TMC5: variants seen among roughly 807,000 people sequenced by gnomAD.
TMC5 encodes the protein transmembrane channel like 5, also known as transmembrane channel-like protein 5.
In TMC5, 86 loss-of-function variants were observed where a neutral mutation model predicts 110.5. That is an observed-to-expected ratio of 0.78 (90% CI 0.65 to 0.93). TMC5 has a LOEUF of 0.93. Among genes scored for constraint, TMC5 ranks in the 40% least tolerant of loss-of-function variants. TMC5 has a pLI of 0.00. For missense variants in TMC5, 1,144 were observed against 1,222.8 expected, an observed-to-expected ratio of 0.94 and a Z score of 0.96; for synonymous variants, 455 against 439.5, an observed-to-expected ratio of 1.04 and a Z score of -0.44.
intron 4 of TMC5, 115 bp downstream of exon 4, chr16:19,444,365 T>C (rs1347950014): frequency 2.2e-6 from 2 of 907,504 alleles, no homozygotes; most frequent in African/African-American, 3.4e-5. Flanking sequence ...CCTTCCAATC[T>C]CAGAGACCCT....
At chr16:19,492,298 A>G in intron 19 of TMC5, 70 bp downstream of exon 19, 1 of 1,079,100 alleles carries the variant, frequency 9.3e-7, no homozygotes, top group Non-Finnish European at 1.4e-6. Flanking sequence ...ATCCTCCAAA[A>G]TAAAGAGAAT....
rs1257727691 is a variant in TMC5, at chr16:19,439,876, A to C, written c.-79-84A>C. 1.3e-5 allele frequency: 8 copies of C among 622,072 alleles called. No individual in the cohort carries two copies. The African/African-American group carries it at 1.5e-4, about 11-fold the overall frequency. 38.5% of individuals were successfully genotyped at this position (622,072 alleles called of 1,614,324 possible). ...TGTACCTGACTACGAACGAAAGGAG[A>C]ACAGATACTGGAAGATAACCAGCAA... On this transcript the variant is annotated intron_variant, in intron 2 of 21. Coordinates refer to ENST00000542583, the MANE Select transcript of TMC5 (RefSeq NM_001261841.2).
At chr16:19,438,936 A>T (rs1187827065) in intron 2 of TMC5, among the ~76,000 whole-genome samples, 1 of 152,218 alleles carries the variant, frequency 6.6e-6, no homozygotes, top group Non-Finnish European at 1.5e-5. Flanking sequence ...TGCTGGGTCA[A>T]AGAAGATTTA....
chr16:19,496,901 A>G (rs1193406124), intron 20 of TMC5, among the ~76,000 whole-genome samples: 1 of 150,096 alleles, frequency 6.7e-6, no homozygotes, highest in Non-Finnish European at 1.5e-5. Flanking sequence ...AAAAAAAAAA[A>G]AAAAAAAAAA....
chr16:19,437,290 G>A (rs958240089), intron 2 of TMC5, among the ~76,000 whole-genome samples: 1 of 152,226 alleles, frequency 6.6e-6, no homozygotes, highest in Admixed American at 6.5e-5. Flanking sequence ...CTTTAACTGG[G>A]TTGTATGCTC....
intron 4 of TMC5, among the ~76,000 whole-genome samples, chr16:19,449,161 A>G (rs1197530572): frequency 2.6e-5 from 4 of 151,736 alleles, no homozygotes; most frequent in African/African-American, 9.7e-5. Context: ...ACATATACAT[A>G]TATTTTTAGA....
At chr16:19,469,039 T>C (rs537178019) in intron 9 of TMC5, among the ~76,000 whole-genome samples, 1 of 152,256 alleles carries the variant, frequency 6.6e-6, no homozygotes, top group Non-Finnish European at 1.5e-5. Context: ...TTCTGACTTC[T>C]GATCTCTAGA....
rs1967897842 is a variant in TMC5, at chr16:19,457,129, C to T, written c.1049-3106C>T. On this transcript the variant is annotated intron_variant, in intron 5 of 21. Transcript: ENST00000542583. The stretch of plus-strand genomic sequence containing the variant: ...GTGGGGCCAGGCGTGGTGGCTCACA[C>T]CTATAATCCTACGGCTTTGGGAGGC... The T allele has an allele frequency of 7.0e-6, 6 of 863,104 alleles. No individual in the cohort carries two copies. The South Asian group carries it at 1.1e-4, about 16-fold the overall frequency. The allele number at this position is 863,104 out of a possible 1,614,324, so 53.5% of individuals were successfully genotyped here. A position where few individuals can be genotyped will look rare whatever the true frequency, so the allele number is the denominator to read the frequency against.
intron 1 of TMC5, among the ~76,000 whole-genome samples, chr16:19,421,643 C>T (rs1012021226): frequency 3.3e-5 from 5 of 152,232 alleles, no homozygotes; most frequent in Non-Finnish European, 5.9e-5. Context: ...CTCAGCTCAG[C>T]ACTTATCTTA....
At chr16:19,448,304 G>GCACACACACA (rs35504788) in intron 4 of TMC5, among the ~76,000 whole-genome samples, 10 of 142,188 alleles carry the variant, frequency 7.0e-5, no homozygotes, top group African/African-American at 1.1e-4. Flanking sequence ...ACACACACAC[G>GCACACACACA]CACACACACA....
At chr16:19,420,870 C>G (rs1199007034) in intron 1 of TMC5, among the ~76,000 whole-genome samples, 1 of 152,144 alleles carries the variant, frequency 6.6e-6, no homozygotes, top group Non-Finnish European at 1.5e-5. Context: ...TGTTAGCACC[C>G]ACATCCAAAG....
Position 19,479,497 on chromosome 16 carries a change from G to A in TMC5, c.2236G>A (p.Val746Ile). ...LLLMDFVFSL[V>I]NSFLGEFLRR... ...TCTGATGGATTTTGTGTTCTCTTTA[G>A]TCAATTCCTTCCTGGGGGAGTTTCT... Residue 746 changes from valine to isoleucine, a missense_variant, in exon 14 of 22, where the codon GTC (valine) becomes ATC (isoleucine). Val to Ile is a conservative substitution (Grantham distance 29, BLOSUM62 3). Coordinates refer to ENST00000542583, the MANE Select transcript of TMC5 (RefSeq NM_001261841.2). 6.2e-7 allele frequency: 1 copy of A among 1,614,030 alleles called. No individual in the cohort carries two copies. Among genetic ancestry groups the A allele is most frequent in the South Asian group, 1.1e-5 (1 of 91,086 alleles).
chr16:19,440,055 G>A lies in TMC5; in HGVS notation c.17G>A (p.Arg6Lys), dbSNP rs370451908. 1 of 1,613,538 alleles carries A rather than the reference G, an allele frequency of 6.2e-7. No individual in the cohort carries two copies. The highest frequency in any genetic ancestry group is 8.5e-7 in the Non-Finnish European group (1 of 1,179,800). Residue 6 changes from arginine to lysine, a missense_variant, in exon 3 of 22, where the codon AGG (arginine) becomes AAG (lysine). Physicochemically the swap from Arg to Lys is conservative, Grantham distance 26. Coordinates refer to ENST00000542583, the MANE Select transcript of TMC5 (RefSeq NM_001261841.2). MSAYY[R>K]NNWSEEDPDY... ...CATACCAACATGTCTGCCTACTACA[G>A]GAATAACTGGTCTGAGGAAGACCCA...
At chr16:19,497,389 G>C (rs965425388) in intron 21 of TMC5, among the ~76,000 whole-genome samples, 1 of 152,204 alleles carries the variant, frequency 6.6e-6, no homozygotes, top group Non-Finnish European at 1.5e-5. Flanking sequence ...TCTTACCCAT[G>C]TTAGTTCCTT....
Position 19,486,878 on chromosome 16 carries a change from A to C in TMC5, c.2364-67A>C, listed in dbSNP as rs950502671. 7 of 1,410,522 alleles carry C rather than the reference A, an allele frequency of 5.0e-6. No individual in the cohort carries two copies. In the African/African-American group the frequency reaches 9.9e-5, roughly 20 times the overall value. 87.4% of individuals were successfully genotyped at this position (1,410,522 alleles called of 1,614,324 possible). A position where few individuals can be genotyped will look rare whatever the true frequency, so the allele number is the denominator to read the frequency against. Reference sequence around the variant, plus strand: ...TATCTTCTTTCTCTTCCCCCCAACCATCCCAGATTCACCCCGACTCCTTGT... The same window carrying C: ...TATCTTCTTTCTCTTCCCCCCAACCCTCCCAGATTCACCCCGACTCCTTGT... On this transcript the variant is annotated intron_variant, in intron 15 of 21. Coordinates refer to ENST00000542583, the MANE Select transcript of TMC5 (RefSeq NM_001261841.2).
At chr16:19,457,574 A>G (rs1967911013) in intron 5 of TMC5, among the ~76,000 whole-genome samples, 1 of 151,844 alleles carries the variant, frequency 6.6e-6, no homozygotes, top group African/African-American at 2.4e-5. Context: ...TCGAATTTTT[A>G]TGTACTCCCT....
At chr16:19,455,982 A>AT (rs1250533829) in intron 5 of TMC5, among the ~76,000 whole-genome samples, 1 of 152,084 alleles carries the variant, frequency 6.6e-6, no homozygotes, top group African/African-American at 2.4e-5. Flanking sequence ...CCGAGGCAGG[A>AT]GGATCACGAG....
Position 19,474,284 on chromosome 16 carries a change from A to G in TMC5, c.2090+8A>G. 1 of 1,613,056 alleles carries G rather than the reference A, an allele frequency of 6.2e-7. No individual in the cohort carries two copies. Among genetic ancestry groups the G allele is most frequent in the East Asian group, 2.2e-5 (1 of 44,828 alleles). The stretch of plus-strand genomic sequence containing the variant: ...CTACGTTCTCCTGATCCGGTAGGTG[A>G]TGTGTCGCGCCCAACACCAGCCTCT... On this transcript the variant is annotated splice_region_variant and intron_variant, in intron 12 of 21. Transcript: ENST00000542583.
At chr16:19,436,077 C>T (rs1967337650) in intron 2 of TMC5, among the ~76,000 whole-genome samples, 1 of 151,912 alleles carries the variant, frequency 6.6e-6, no homozygotes, top group Non-Finnish European at 1.5e-5. Flanking sequence ...GTCTGGCCAA[C>T]ATGAGGAAAC....
Sources: gnomAD v4.1 joint callset for allele counts (sites outside exome capture counted in the v4.1 genomes callset) on GRCh38, gnomAD v4.1.1 for gene constraint, MANE v1.5 for transcripts, NCBI Gene and HGNC (gene_info 2026-07-23, HGNC 2026-07-21) for gene names.